Variants in EFHC2 observed in about 807,000 individuals in gnomAD.
EFHC2 encodes the protein EF-hand domain containing 2.
In EFHC2, 18 loss-of-function variants were observed where a neutral mutation model predicts 52.7. The observed-to-expected ratio is 0.34, with a 90% CI of 0.24 to 0.51. The LOEUF is 0.51. EFHC2 is among the 20% of genes least tolerant of loss of function. The pLI is 0.97. For missense variants in EFHC2, 513 were observed against 562.5 expected, an observed-to-expected ratio of 0.91 and a Z score of 0.89; for synonymous variants, 203 against 204.1, an observed-to-expected ratio of 0.99 and a Z score of 0.04.
intron 2 of EFHC2, chrX:44,309,730 C>T: frequency 1.0e-6 from 1 of 980,079 alleles, no homozygotes; most frequent in Admixed American, 2.2e-5. Context: ...AGGCATCGGT[C>T]CTCGTTTCTT....
chrX:44,159,056 A>T (rs187339305), intron 14 of EFHC2, among the ~76,000 whole-genome samples: 102 of 112,566 alleles, frequency 9.1e-4, no homozygotes, highest in African/African-American at 3.2e-3. Context: ...TTCTGGCCCA[A>T]CTCAGGACAA....
At chrX:44,271,704 T>C (rs866792809) in intron 3 of EFHC2, among the ~76,000 whole-genome samples, 5 of 110,823 alleles carry the variant, frequency 4.5e-5, no homozygotes, top group Admixed American at 9.6e-5. Flanking sequence ...CCTCCGCCCC[T>C]ACACCAGACC....
chrX:44,261,509 G>A (rs2037538515), intron 3 of EFHC2, among the ~76,000 whole-genome samples: 1 of 110,899 alleles, frequency 9.0e-6, no homozygotes, highest in South Asian at 3.8e-4. Context: ...AGCCTTGCAT[G>A]TGGTTAGAGT....
At chrX:44,272,963 C>T (rs2037628062) in intron 2 of EFHC2, 127 bp from the exon 3 acceptor site, 6 of 520,802 alleles carry the variant, frequency 1.2e-5, no homozygotes, top group Admixed American at 4.0e-5. Flanking sequence ...TTTCCAAGAA[C>T]TCATTCTACA....
At chrX:44,257,827 G>A (rs2037504077) in intron 4 of EFHC2, among the ~76,000 whole-genome samples, 1 of 111,824 alleles carries the variant, frequency 8.9e-6, no homozygotes, top group Non-Finnish European at 1.9e-5. Context: ...GTATAGCCAA[G>A]ACAATCCTAA....
intron 11 of EFHC2, among the ~76,000 whole-genome samples, chrX:44,186,417 G>T (rs983356032): frequency 5.4e-5 from 6 of 111,945 alleles, no homozygotes; most frequent in African/African-American, 1.9e-4. Flanking sequence ...TGCTTAACTT[G>T]CAAGGTAAGC....
chrX:44,175,528 T>G (rs922873649), intron 13 of EFHC2, among the ~76,000 whole-genome samples: 1 of 111,983 alleles, frequency 8.9e-6, no homozygotes, highest in African/African-American at 3.2e-5. Flanking sequence ...ACTATGTGAC[T>G]TTGGGCAAAA....
intron 11 of EFHC2, among the ~76,000 whole-genome samples, chrX:44,181,059 C>A (rs755207281): frequency 9.0e-6 from 1 of 110,908 alleles, no homozygotes; most frequent in Non-Finnish European, 1.9e-5. Flanking sequence ...CATACCACTG[C>A]ACTCCAGCAT....
intron 2 of EFHC2, among the ~76,000 whole-genome samples, chrX:44,288,159 C>T (rs2037766643): frequency 9.1e-6 from 1 of 110,234 alleles, no homozygotes; most frequent in Non-Finnish European, 1.9e-5. Flanking sequence ...TCTGGATATA[C>T]AAAATTTGAC....
chrX:44,320,485 T>C (rs1361566659), intron 1 of EFHC2, among the ~76,000 whole-genome samples: 1 of 111,602 alleles, frequency 9.0e-6, no homozygotes, highest in African/African-American at 3.3e-5. Context: ...GATAAAGCCA[T>C]GCAACTAAGC....
At chrX:44,245,318 T>C (rs772746339) in intron 7 of EFHC2, among the ~76,000 whole-genome samples, 1 of 112,334 alleles carries the variant, frequency 8.9e-6, no homozygotes, top group African/African-American at 3.2e-5. Context: ...GTTACTAGTT[T>C]CATTGTCCCA....
At chrX:44,157,972 GCTCA>G (rs780343143) in intron 14 of EFHC2, among the ~76,000 whole-genome samples, 1 of 111,256 alleles carries the variant, frequency 9.0e-6, no homozygotes, top group East Asian at 2.9e-4. Context: ...CCATCACTAT[GCTCA>G]CTGTTTTGGA....
intron 1 of EFHC2, among the ~76,000 whole-genome samples, chrX:44,318,220 G>A (rs964461395): frequency 6.2e-5 from 7 of 112,283 alleles, no homozygotes; most frequent in African/African-American, 9.7e-5. Flanking sequence ...CACTGATATC[G>A]TGCTACCATG....
At chrX:44,223,593 G>A (rs1442919122) in intron 11 of EFHC2, among the ~76,000 whole-genome samples, 1 of 110,866 alleles carries the variant, frequency 9.0e-6, no homozygotes, top group Non-Finnish European at 1.9e-5. Flanking sequence ...GACAGTGACA[G>A]AATCAAATCA....
chrX:44,184,591 C>T (rs751591631), intron 11 of EFHC2, among the ~76,000 whole-genome samples: 12 of 110,627 alleles, frequency 1.1e-4, no homozygotes, highest in Non-Finnish European at 1.9e-4. Flanking sequence ...GGCATGGTGG[C>T]GCACGCCTGT....
intron 11 of EFHC2, among the ~76,000 whole-genome samples, chrX:44,197,498 A>G (rs1479116184): frequency 9.0e-6 from 1 of 111,529 alleles, no homozygotes; most frequent in Non-Finnish European, 1.9e-5. Context: ...GAAACTGGAC[A>G]GCAAAGGAGA....
chrX:44,313,425 C>T (rs1404103735), intron 1 of EFHC2, among the ~76,000 whole-genome samples: 2 of 111,412 alleles, frequency 1.8e-5, no homozygotes, highest in African/African-American at 6.5e-5. Context: ...CTCTGAGGAG[C>T]GATGTGGCAA....
rs865948028 is a variant in EFHC2, at chrX:44,281,904, A to G, written c.232-9068T>C. 2.7e-5 allele frequency among the ~76,000 whole-genome samples: 3 copies of G among 111,771 alleles called. No homozygotes were observed. The South Asian group carries it at 1.1e-3, about 42-fold the overall frequency. On this transcript the variant is annotated intron_variant, in intron 2 of 14. Coordinates refer to ENST00000420999, the MANE Select transcript of EFHC2 (RefSeq NM_025184.4). Reference sequence around the variant, plus strand: ...AGATTAAGTGCAAATTAAAATAACAACGAGGCATAGGGTTTATGTGTGTGT... The same window carrying G: ...AGATTAAGTGCAAATTAAAATAACAGCGAGGCATAGGGTTTATGTGTGTGT...
At chrX:44,268,979 T>A (rs1177654217) in intron 3 of EFHC2, among the ~76,000 whole-genome samples, 1 of 111,253 alleles carries the variant, frequency 9.0e-6, no homozygotes, top group Non-Finnish European at 1.9e-5. Flanking sequence ...GGATAGTGTA[T>A]CAGTTGGAAC....
Sources: allele counts gnomAD v4.1 joint callset (sites outside exome capture counted in the v4.1 genomes callset), GRCh38; gene constraint gnomAD v4.1.1; transcripts MANE v1.5; gene names NCBI Gene and HGNC (gene_info 2026-07-23, HGNC 2026-07-21).